VPS13B: variants seen among roughly 807,000 people sequenced by gnomAD.
VPS13B encodes intermembrane lipid transfer protein VPS13B.
A neutral mutation model predicts 426.4 loss-of-function variants in VPS13B; 285 were observed. The observed-to-expected ratio is 0.67, with a 90% CI of 0.61 to 0.74. The LOEUF (loss-of-function observed/expected upper bound fraction) is 0.74. VPS13B is among the 30% of genes least tolerant of loss of function. The pLI, the probability that VPS13B is intolerant of heterozygous loss-of-function variation, is 0.00. For synonymous variants in VPS13B, 1,676 were observed against 1,676.4 expected, an observed-to-expected ratio of 1.00 and a Z score of 0.01; for missense variants, 4,537 against 4,782.6, an observed-to-expected ratio of 0.95 and a Z score of 1.51.
At chr8:99,308,631 A>C (rs1820773803) in intron 19 of VPS13B, among the ~76,000 whole-genome samples, 1 of 152,126 alleles carries the variant, frequency 6.6e-6, no homozygotes, top group African/African-American at 2.4e-5. Flanking sequence ...ATAGTGCCGC[A>C]ATAAACATAC....
intron 40 of VPS13B, among the ~76,000 whole-genome samples, chr8:99,776,548 G>C (rs962723627): frequency 6.6e-6 from 1 of 152,078 alleles, no homozygotes; most frequent in Admixed American, 6.5e-5. Flanking sequence ...TGCTGCCTCA[G>C]CCTCCCAAAG....
chr8:99,372,518 C>T (rs560730471), intron 19 of VPS13B, among the ~76,000 whole-genome samples: 19 of 152,258 alleles, frequency 1.2e-4, no homozygotes, highest in South Asian at 4.1e-4. Context: ...TGAACAGACA[C>T]TTCTCAAAAG....
intron 31 of VPS13B, among the ~76,000 whole-genome samples, chr8:99,568,981 T>A (rs924996887): frequency 1.3e-5 from 2 of 151,732 alleles, no homozygotes; most frequent in Non-Finnish European, 2.9e-5. Flanking sequence ...CCGGCTAATT[T>A]TTTTTGTTGT....
chr8:99,448,158 T>TTTAC (rs1818021358), intron 23 of VPS13B, among the ~76,000 whole-genome samples: 1 of 146,272 alleles, frequency 6.8e-6, no homozygotes, highest in Non-Finnish European at 1.5e-5. Context: ...TATTTATTTA[T>TTTAC]TTATTGCAAG....
intron 17 of VPS13B, among the ~76,000 whole-genome samples, chr8:99,209,021 C>T (rs1814905946): frequency 6.6e-6 from 1 of 152,080 alleles, no homozygotes; most frequent in Non-Finnish European, 1.5e-5. Context: ...TGGCTCATGC[C>T]TGTAATCCCA....
At chr8:99,665,394 A>G (rs533880962) in intron 35 of VPS13B, among the ~76,000 whole-genome samples, 2 of 152,262 alleles carry the variant, frequency 1.3e-5, no homozygotes, top group East Asian at 3.9e-4. Flanking sequence ...GTCCTTGCCC[A>G]TGCCTATGTC....
chr8:99,412,583 C>G (rs751309643), intron 21 of VPS13B, among the ~76,000 whole-genome samples: 4 of 152,104 alleles, frequency 2.6e-5, no homozygotes, highest in Non-Finnish European at 5.9e-5. Context: ...GCCTGATTGC[C>G]CTGGCCAAAA....
chr8:99,143,192 T>G (rs1810524353), intron 13 of VPS13B, 27 bp downstream of exon 13: 1 of 1,613,138 alleles, frequency 6.2e-7, no homozygotes, highest in African/African-American at 1.3e-5. Flanking sequence ...ATTTTGAATC[T>G]TTTGCCATTT....
intron 21 of VPS13B, among the ~76,000 whole-genome samples, chr8:99,392,717 A>G (rs954799253): frequency 2.6e-5 from 4 of 152,124 alleles, no homozygotes; most frequent in Non-Finnish European, 4.4e-5. Context: ...AAATTTGTTT[A>G]TGGTATTTTA....
At chr8:99,450,399 A>T (rs1417198204) in intron 23 of VPS13B, among the ~76,000 whole-genome samples, 2 of 152,196 alleles carry the variant, frequency 1.3e-5, no homozygotes, top group Non-Finnish European at 2.9e-5. Context: ...TCTGGTGGTT[A>T]TGAAGACCAT....
intron 19 of VPS13B, among the ~76,000 whole-genome samples, chr8:99,334,950 T>A (rs1428666653): frequency 6.6e-6 from 1 of 152,144 alleles, no homozygotes; most frequent in Non-Finnish European, 1.5e-5. Context: ...CTCCTTCTTA[T>A]ACCTCGGTAG....
chr8:99,803,092 A>G (rs972975266), intron 43 of VPS13B, among the ~76,000 whole-genome samples: 3 of 152,198 alleles, frequency 2.0e-5, no homozygotes, highest in Non-Finnish European at 2.9e-5. Context: ...GGATAAACAT[A>G]CATCTAGATA....
At chr8:99,626,571 A>G (rs972929688) in intron 33 of VPS13B, among the ~76,000 whole-genome samples, 4 of 152,226 alleles carry the variant, frequency 2.6e-5, no homozygotes, top group Non-Finnish European at 4.4e-5. Context: ...GCACATTTAT[A>G]TATCCACTTT....
chr8:99,817,394 T>C (rs1403894820), intron 44 of VPS13B, 146 bp from the exon 45 acceptor site: 2 of 1,097,304 alleles, frequency 1.8e-6, no homozygotes, highest in Non-Finnish European at 2.6e-6. Context: ...TGACTTCAAG[T>C]CTTTTTTCCT....
Position 99,244,830 on chromosome 8 carries a change from A to G in VPS13B, c.2516-29368A>G, listed in dbSNP as rs189288173. 3.1e-3 allele frequency among the ~76,000 whole-genome samples: 465 copies of G among 152,354 alleles called. 2 individuals are homozygous for G. The highest frequency in any genetic ancestry group is 0.014 in the Middle Eastern group (4 of 294). On this transcript the variant is annotated intron_variant, in intron 17 of 61. Transcript: ENST00000357162. ...TAAACAGGAAGAAGGACTATATTAC[A>G]TTAGCTAAATGAGTACCTCATGACT...
intron 30 of VPS13B, among the ~76,000 whole-genome samples, chr8:99,543,684 T>C (rs1366143159): frequency 1.3e-5 from 2 of 148,864 alleles, no homozygotes; most frequent in Non-Finnish European, 3.0e-5. Context: ...AAAGAAGACA[T>C]TTATGCAGCC....
At chr8:99,151,219 A>C (rs990667338) in intron 14 of VPS13B, among the ~76,000 whole-genome samples, 1 of 151,888 alleles carries the variant, frequency 6.6e-6, no homozygotes, top group Non-Finnish European at 1.5e-5. Flanking sequence ...ATTTTTTAAG[A>C]GTTGTTTGTT....
chr8:99,738,972 G>T (rs1833950469), intron 39 of VPS13B, among the ~76,000 whole-genome samples: 1 of 152,222 alleles, frequency 6.6e-6, no homozygotes, highest in Non-Finnish European at 1.5e-5. Context: ...GTTGGAAAGT[G>T]GGTGCAGGAC....
chr8:99,170,802 T>C (rs1347673910), intron 16 of VPS13B, among the ~76,000 whole-genome samples: 1 of 151,576 alleles, frequency 6.6e-6, no homozygotes, highest in Non-Finnish European at 1.5e-5. Flanking sequence ...AAATAATGTT[T>C]AAATATATGA....
Sources: gnomAD v4.1 joint callset for allele counts (sites outside exome capture counted in the v4.1 genomes callset) on GRCh38, gnomAD v4.1.1 for gene constraint, MANE v1.5 for transcripts, NCBI Gene and HGNC (gene_info 2026-07-23, HGNC 2026-07-21) for gene names.